The following MINDY3 variants were observed in gnomAD, a reference collection of about 807,000 sequenced individuals.
MINDY3 encodes the protein ubiquitin carboxyl-terminal hydrolase MINDY-3.
Under a neutral mutation model 69.2 loss-of-function variants are expected in MINDY3, and 38 were observed. The ratio of observed to expected loss-of-function variants is 0.55; its 90% confidence interval spans 0.42 to 0.72. The LOEUF is 0.72. MINDY3 is among the 30% of genes least tolerant of loss of function. The probability of loss-of-function intolerance (pLI) is 0.00; values close to 1 mark genes in which losing one functional copy is unlikely to be tolerated. For missense variants in MINDY3, 522 were observed against 519.0 expected, an observed-to-expected ratio of 1.01 and a Z score of -0.06; for synonymous variants, 192 against 180.1, an observed-to-expected ratio of 1.07 and a Z score of -0.53.
rs943549480 is a variant in MINDY3, at chr10:15,778,954, T to A, written c.*38A>T. The A allele has an allele frequency of 3.2e-6, 5 of 1,581,862 alleles. No homozygotes were observed. The Admixed American group carries it at 6.9e-5, about 22-fold the overall frequency. On this transcript the variant is annotated 3_prime_UTR_variant, in exon 15 of 15. Coordinates refer to ENST00000277632, the MANE Select transcript of MINDY3 (RefSeq NM_024948.4). ...CCAGTCTTGACTCCTTCTTTCAACA[T>A]CTGTTATTAAGATCTTCCTTATAAA... is the stretch of plus-strand genomic sequence containing the variant.
At chr10:15,813,584 A>C (rs761007508) in intron 10 of MINDY3, among the ~76,000 whole-genome samples, 1 of 152,168 alleles carries the variant, frequency 6.6e-6, no homozygotes, top group African/African-American at 2.4e-5. Context: ...GAACAGACCC[A>C]TATCTATTTT....
At chr10:15,857,341 C>T (rs771336934) in intron 1 of MINDY3, among the ~76,000 whole-genome samples, 7 of 152,118 alleles carry the variant, frequency 4.6e-5, no homozygotes, top group South Asian at 4.1e-4. Flanking sequence ...GACCAGGACA[C>T]CCCACCCAGA....
At chr10:15,814,109 C>T (rs1165648129) in intron 10 of MINDY3, among the ~76,000 whole-genome samples, 1 of 151,990 alleles carries the variant, frequency 6.6e-6, no homozygotes, top group Non-Finnish European at 1.5e-5. Flanking sequence ...GCGAAATTTC[C>T]AGTATTTTTT....
At chr10:15,804,920 G>A (rs187255427) in intron 10 of MINDY3, among the ~76,000 whole-genome samples, 1 of 152,200 alleles carries the variant, frequency 6.6e-6, no homozygotes, top group Admixed American at 6.5e-5. Flanking sequence ...CACCTCCACA[G>A]TAGCCCACTG....
At position 15,841,444 on chromosome 10, in the gene MINDY3, A is replaced by C. The variant is rs1335341659; in HGVS notation, c.391T>G (p.Cys131Gly). 6.2e-7 allele frequency: 1 copy of C among 1,610,244 alleles called. No individual in the cohort carries two copies. The highest frequency in any genetic ancestry group is 8.5e-7 in the Non-Finnish European group (1 of 1,177,956). Residue 131 changes from cysteine (C) to glycine (G), a missense_variant, in exon 4 of 15, where the codon TGC becomes GGC. By Grantham distance (159) the Cys-to-Gly change is radical (BLOSUM62 -3). Coordinates refer to ENST00000277632, the MANE Select transcript of MINDY3 (RefSeq NM_024948.4). ...SISGSPAESS[C>G]QVEHSSALAV... ...ATCTTACAAGAATGTTCCACTTGGC[A>C]ACTAGACTCTGCAGGACTCCCAGAA...
chr10:15,860,120 AG>A, intron 1 of MINDY3, 85 bp downstream of exon 1: 1 of 997,012 alleles, frequency 1.0e-6, no homozygotes, highest in South Asian at 1.4e-5. Context: ...GGGGCACGCG[AG>A]GGGCTGGAGC....
chr10:15,812,461 A>G (rs577169985), intron 10 of MINDY3, among the ~76,000 whole-genome samples: 27 of 152,234 alleles, frequency 1.8e-4, no homozygotes, highest in African/African-American at 6.0e-4. Flanking sequence ...CTTCCTACCC[A>G]TGCAATATTA....
At chr10:15,803,101 A>G (rs534221879) in intron 10 of MINDY3, among the ~76,000 whole-genome samples, 1 of 152,298 alleles carries the variant, frequency 6.6e-6, no homozygotes, top group East Asian at 1.9e-4. Context: ...GGATCACTGT[A>G]GAAAATGATC....
intron 10 of MINDY3, among the ~76,000 whole-genome samples, chr10:15,802,608 T>G (rs1838343581): frequency 6.6e-6 from 1 of 152,138 alleles, no homozygotes; most frequent in African/African-American, 2.4e-5. Flanking sequence ...TTAAGGCAAC[T>G]TATTGGCTGA....
chr10:15,816,963 A>C, intron 9 of MINDY3, 48 bp from the exon 10 acceptor site: 1 of 1,355,700 alleles, frequency 7.4e-7, no homozygotes, highest in Non-Finnish European at 1.1e-6. Flanking sequence ...TTAAAAATTT[A>C]TACTGCCTCT....
At chr10:15,858,291 G>A (rs990486870) in intron 1 of MINDY3, among the ~76,000 whole-genome samples, 2 of 152,108 alleles carry the variant, frequency 1.3e-5, no homozygotes, top group African/African-American at 4.8e-5. Context: ...TGGTACTGAT[G>A]GAACTAATCC....
At chr10:15,859,326 T>C (rs1010611551) in intron 1 of MINDY3, among the ~76,000 whole-genome samples, 2 of 152,244 alleles carry the variant, frequency 1.3e-5, no homozygotes, top group East Asian at 1.9e-4. Flanking sequence ...TTAATAATAA[T>C]AGTGTTTTAC....
In MINDY3 at chr10:15,821,615, C is replaced by G. The variant is rs574709735; in HGVS notation, c.801+41G>C. 417 of 1,505,580 alleles carry G rather than the reference C, an allele frequency of 2.8e-4. 3 individuals carry two copies. The South Asian group carries it at 4.7e-3, about 17-fold the overall frequency. 93.3% of individuals were successfully genotyped at this position (1,505,580 alleles called of 1,614,324 possible). A position where few individuals can be genotyped will look rare whatever the true frequency, so the allele number is the denominator to read the frequency against. On this transcript the variant is annotated intron_variant, in intron 9 of 14. Coordinates refer to ENST00000277632, the MANE Select transcript of MINDY3 (RefSeq NM_024948.4). ...AAACAGTATCCACAATAGTGGACATCTAAACAAAAAACATTCAAAGTACCT... is the reference window on the plus strand; with the variant it reads ...AAACAGTATCCACAATAGTGGACATGTAAACAAAAAACATTCAAAGTACCT...
intron 8 of MINDY3, 37 bp from the exon 9 acceptor site, chr10:15,821,763 T>A (rs761422217): frequency 6.4e-7 from 1 of 1,559,026 alleles, no homozygotes; most frequent in South Asian, 1.1e-5. Context: ...AAACGAAAAC[T>A]TAGCATTGTA....
At chr10:15,827,544 A>G (rs1840175075) in intron 8 of MINDY3, among the ~76,000 whole-genome samples, 1 of 69,144 alleles carries the variant, frequency 1.4e-5, no homozygotes, top group Non-Finnish European at 2.6e-5. Context: ...CTCCGTCTCA[A>G]TAAATAAATA....
chr10:15,800,585 G>GT (rs1449411455), intron 10 of MINDY3, among the ~76,000 whole-genome samples: 1 of 151,902 alleles, frequency 6.6e-6, no homozygotes, highest in Non-Finnish European at 1.5e-5. Context: ...GTGCAATACT[G>GT]TAACTCTTGA....
chr10:15,824,593 G>A (rs1314595911), intron 8 of MINDY3, among the ~76,000 whole-genome samples: 1 of 152,096 alleles, frequency 6.6e-6, no homozygotes, highest in South Asian at 2.1e-4. Context: ...TCATATCTTC[G>A]CAAACTTTTC....
chr10:15,839,914 T>G (rs574608583), intron 4 of MINDY3, among the ~76,000 whole-genome samples: 6 of 151,786 alleles, frequency 4.0e-5, no homozygotes, highest in Admixed American at 3.9e-4. Context: ...TATGCCCATC[T>G]AAATTAGTTA....
At chr10:15,847,127 A>G (rs1833905539) in intron 2 of MINDY3, among the ~76,000 whole-genome samples, 2 of 152,238 alleles carry the variant, frequency 1.3e-5, no homozygotes, top group South Asian at 4.1e-4. Context: ...TGTAATTTTT[A>G]TAACAGTTCT....
Sources: gnomAD v4.1 joint callset for allele counts (sites outside exome capture counted in the v4.1 genomes callset) on GRCh38, gnomAD v4.1.1 for gene constraint, MANE v1.5 for transcripts, NCBI Gene and HGNC (gene_info 2026-07-23, HGNC 2026-07-21) for gene names.